The following IL1RAPL2 variants were observed in gnomAD, a reference collection of about 807,000 sequenced individuals.
IL1RAPL2 encodes the protein interleukin 1 receptor accessory protein like 2.
IL1RAPL2 carries 3 observed loss-of-function variants against 44.1 expected under a neutral mutation model. The ratio of observed to expected loss-of-function variants is 0.07; its 90% CI spans 0.03 to 0.18. IL1RAPL2 has a LOEUF of 0.18. IL1RAPL2 is among the 10% of genes least tolerant of loss of function. The probability of loss-of-function intolerance (pLI) is 1.00; values close to 1 mark genes in which losing one functional copy is unlikely to be tolerated. For synonymous variants in IL1RAPL2, 181 were observed against 178.8 expected (o/e 1.01, Z -0.10); for missense variants, 391 against 496.4 (o/e 0.79, Z 2.02).
chrX:104,845,192 C>T (rs1222770587), intron 2 of IL1RAPL2, among the ~76,000 whole-genome samples: 1 of 112,021 alleles, frequency 8.9e-6, no homozygotes, highest in African/African-American at 3.2e-5. Flanking sequence ...ATGTGTATTA[C>T]AGATAGCCAG....
At chrX:105,530,868 A>C (rs1418578925) in intron 6 of IL1RAPL2, among the ~76,000 whole-genome samples, 1 of 110,708 alleles carries the variant, frequency 9.0e-6, no homozygotes, top group African/African-American at 3.3e-5. Flanking sequence ...TATTTCACTT[A>C]ACATAATGAT....
chrX:104,930,759 G>A (rs1292433999), intron 2 of IL1RAPL2, among the ~76,000 whole-genome samples: 1 of 111,828 alleles, frequency 8.9e-6, no homozygotes, highest in African/African-American at 3.3e-5. Flanking sequence ...TGATGAGCTA[G>A]TATAGTTAGC....
intron 6 of IL1RAPL2, among the ~76,000 whole-genome samples, chrX:105,662,999 A>G (rs966251075): frequency 1.8e-5 from 2 of 112,405 alleles, no homozygotes; most frequent in African/African-American, 6.5e-5. Context: ...AGGTTTAACA[A>G]TTAGCCTATC....
chrX:105,343,033 T>G (rs2035083562), intron 5 of IL1RAPL2, among the ~76,000 whole-genome samples: 1 of 104,846 alleles, frequency 9.5e-6, no homozygotes, highest in Non-Finnish European at 1.9e-5. Flanking sequence ...AGATCTAACA[T>G]AGCTATTCTA....
intron 2 of IL1RAPL2, among the ~76,000 whole-genome samples, chrX:105,030,459 T>C (rs138500880): frequency 0.022 from 2,509 of 111,916 alleles, 72 homozygotes; most frequent in African/African-American, 0.077. Flanking sequence ...CAGCTTTCTA[T>C]ATATGGCTAG....
intron 6 of IL1RAPL2, among the ~76,000 whole-genome samples, chrX:105,667,203 C>T (rs758126038): frequency 5.4e-5 from 6 of 111,574 alleles, no homozygotes; most frequent in African/African-American, 6.5e-5. Context: ...ACAAAATTAA[C>T]GATAGTGGAT....
At chrX:105,547,997 G>A (rs900636558) in intron 6 of IL1RAPL2, among the ~76,000 whole-genome samples, 13 of 111,598 alleles carry the variant, frequency 1.2e-4, no homozygotes, top group African/African-American at 3.9e-4. Context: ...AAGAAGTTTA[G>A]TGCCTTCTAA....
intron 2 of IL1RAPL2, among the ~76,000 whole-genome samples, chrX:104,907,801 T>A (rs1292287889): frequency 1.8e-5 from 2 of 111,124 alleles, no homozygotes; most frequent in Non-Finnish European, 3.8e-5. Context: ...TGGAGAGTTC[T>A]GTAGATTTCT....
At chrX:104,986,876 T>C (rs2030570967) in intron 2 of IL1RAPL2, among the ~76,000 whole-genome samples, 1 of 112,310 alleles carries the variant, frequency 8.9e-6, no homozygotes, top group Admixed American at 9.4e-5. Flanking sequence ...CTGATTTCTT[T>C]TAAGTACCAA....
At chrX:104,993,068 G>T (rs1333210010) in intron 2 of IL1RAPL2, among the ~76,000 whole-genome samples, 1 of 111,261 alleles carries the variant, frequency 9.0e-6, no homozygotes, top group East Asian at 2.8e-4. Context: ...CACTGATTTT[G>T]CACATTCATT....
intron 5 of IL1RAPL2, among the ~76,000 whole-genome samples, chrX:105,416,110 A>G (rs1363007001): frequency 8.9e-6 from 1 of 112,149 alleles, no homozygotes; most frequent in Non-Finnish European, 1.9e-5. Context: ...TTATAGATAG[A>G]TATGGATATG....
chrX:104,568,665 T>G (rs1340570684), intron 1 of IL1RAPL2, among the ~76,000 whole-genome samples: 1 of 111,780 alleles, frequency 8.9e-6, no homozygotes, highest in Non-Finnish European at 1.9e-5. Context: ...CACCCCTTCT[T>G]GCCGCACAGA....
intron 2 of IL1RAPL2, among the ~76,000 whole-genome samples, chrX:104,776,345 G>A (rs1351434275): frequency 1.8e-5 from 2 of 111,824 alleles, no homozygotes; most frequent in African/African-American, 6.5e-5. Context: ...CATCATGAAA[G>A]TCTCATTAGG....
chrX:104,770,062 T>C (rs907932011), intron 2 of IL1RAPL2, among the ~76,000 whole-genome samples: 1 of 111,164 alleles, frequency 9.0e-6, no homozygotes, highest in Admixed American at 9.6e-5. Flanking sequence ...AGGATTTTTT[T>C]TTGTCCTAGG....
chrX:105,339,079 G>A (rs1160602196), intron 5 of IL1RAPL2, among the ~76,000 whole-genome samples: 1 of 111,554 alleles, frequency 9.0e-6, no homozygotes, highest in Non-Finnish European at 1.9e-5. Flanking sequence ...CATCAGCCTG[G>A]GTGACAGAGC....
At chrX:104,826,572 G>C (rs892384853) in intron 2 of IL1RAPL2, among the ~76,000 whole-genome samples, 2 of 111,660 alleles carry the variant, frequency 1.8e-5, no homozygotes, top group African/African-American at 6.5e-5. Flanking sequence ...GTGGTGCTGA[G>C]AAGAATGTAT....
At chrX:105,042,404 A>G (rs749895785) in intron 2 of IL1RAPL2, among the ~76,000 whole-genome samples, 61 of 110,160 alleles carry the variant, frequency 5.5e-4, no homozygotes, top group Admixed American at 5.3e-3. Context: ...AACCCCATCA[A>G]CAAGTGGGCG....
intron 2 of IL1RAPL2, among the ~76,000 whole-genome samples, chrX:104,830,958 AT>A (rs1404122434): frequency 9.0e-6 from 1 of 111,608 alleles, no homozygotes; most frequent in Admixed American, 9.6e-5. Flanking sequence ...GCATGTGTGT[AT>A]TGTTTTCACA....
In IL1RAPL2 at chrX:104,648,251, A is replaced by G. The variant is rs760586344; in HGVS notation, c.-19-10644A>G. Among the ~76,000 whole-genome samples, 4 of 112,069 alleles carry G rather than the reference A, an allele frequency of 3.6e-5. No individual in the cohort carries two copies. The Admixed American group carries it at 3.8e-4, about 11-fold the overall frequency. On this transcript the variant is annotated intron_variant, in intron 1 of 10. Coordinates refer to ENST00000372582, the MANE Select transcript of IL1RAPL2 (RefSeq NM_017416.2). ...TTAATGGTTGTATAGTATTCCATTT[A>G]TGAATGTATCACCCCTACCCATGAC...
Sources: gnomAD v4.1 joint callset for allele counts (sites outside exome capture counted in the v4.1 genomes callset) on GRCh38, gnomAD v4.1.1 for gene constraint, MANE v1.5 for transcripts, NCBI Gene and HGNC (gene_info 2026-07-23, HGNC 2026-07-21) for gene names.